SAMD4A: variants seen among roughly 807,000 people sequenced by gnomAD.
SAMD4A encodes sterile alpha motif domain containing 4A, also known as protein Smaug homolog 1.
Under a neutral mutation model 81.3 loss-of-function variants are expected in SAMD4A, and 33 were observed. The observed-to-expected ratio is 0.41, with a 90% CI of 0.31 to 0.54. SAMD4A has a LOEUF of 0.54. Among genes scored for constraint, SAMD4A ranks in the 20% least tolerant of loss-of-function variants. The probability of loss-of-function intolerance (pLI) is 0.37; values close to 1 mark genes in which losing one functional copy is unlikely to be tolerated. For synonymous variants in SAMD4A, 389 were observed against 382.1 expected, an observed-to-expected ratio of 1.02 and a Z score of -0.21; for missense variants, 854 against 951.1, an observed-to-expected ratio of 0.90 and a Z score of 1.34.
chr14:54,677,853 AT>A (rs1282042074), intron 2 of SAMD4A, among the ~76,000 whole-genome samples: 2 of 152,198 alleles, frequency 1.3e-5, no homozygotes, highest in African/African-American at 4.8e-5. Flanking sequence ...TTTCTATTGA[AT>A]TAGTCTTTTG....
chr14:54,688,159 C>A (rs928547729), intron 2 of SAMD4A: 4 of 985,338 alleles, frequency 4.1e-6, no homozygotes, highest in Admixed American at 1.2e-4. Context: ...GCTGTGCCCT[C>A]ACCCCTAAAC....
chr14:54,754,748 C>A, intron 6 of SAMD4A: 1 of 763,428 alleles, frequency 1.3e-6, no homozygotes, highest in Non-Finnish European at 1.6e-6. Flanking sequence ...ACATAGATTT[C>A]TAAGGAGATA....
intron 6 of SAMD4A, among the ~76,000 whole-genome samples, chr14:54,756,951 C>T (rs2038255691): frequency 1.3e-5 from 2 of 152,164 alleles, no homozygotes; most frequent in Non-Finnish European, 1.5e-5. Flanking sequence ...TGTAACAGCA[C>T]GTTAGTTAAT....
chr14:54,673,489 G>A (rs1014542504), intron 2 of SAMD4A, among the ~76,000 whole-genome samples: 7 of 152,202 alleles, frequency 4.6e-5, no homozygotes, highest in South Asian at 2.1e-4. Context: ...TGACGGCAGC[G>A]TCAGCATAGC....
intron 2 of SAMD4A, among the ~76,000 whole-genome samples, chr14:54,585,093 GGTAT>G (rs1164986071): frequency 6.6e-6 from 1 of 151,898 alleles, no homozygotes; most frequent in African/African-American, 2.4e-5. Context: ...ACTGTACAGT[GGTAT>G]GTATCTCTAC....
chr14:54,644,536 A>C (rs2035244141), intron 2 of SAMD4A, among the ~76,000 whole-genome samples: 1 of 152,206 alleles, frequency 6.6e-6, no homozygotes, highest in Non-Finnish European at 1.5e-5. Context: ...TAAAGAGGCT[A>C]CATGCAATTA....
intron 3 of SAMD4A, among the ~76,000 whole-genome samples, chr14:54,723,874 A>T (rs897980020): frequency 6.6e-6 from 1 of 152,188 alleles, no homozygotes. Flanking sequence ...GAAGTTAACA[A>T]TTAGCATTTT....
At chr14:54,591,134 G>A (rs112585941) in intron 2 of SAMD4A, among the ~76,000 whole-genome samples, 2 of 152,242 alleles carry the variant, frequency 1.3e-5, no homozygotes, top group African/African-American at 4.8e-5. Context: ...ATAGGGGTAC[G>A]TCGTGCGATA....
intron 3 of SAMD4A, among the ~76,000 whole-genome samples, chr14:54,723,992 G>A (rs751100364): frequency 8.0e-6 from 1 of 124,600 alleles, no homozygotes; most frequent in Non-Finnish European, 1.7e-5. Context: ...AGCAAATATT[G>A]GATGGATGGA....
At chr14:54,724,925 A>G (rs988944203) in intron 3 of SAMD4A, among the ~76,000 whole-genome samples, 3 of 152,172 alleles carry the variant, frequency 2.0e-5, no homozygotes, top group African/African-American at 7.2e-5. Flanking sequence ...GGTGTGAGAG[A>G]GAACCGCACT....
intron 2 of SAMD4A, among the ~76,000 whole-genome samples, chr14:54,618,590 T>C (rs2034544389): frequency 6.6e-6 from 1 of 152,218 alleles, no homozygotes. Flanking sequence ...TTAGAATAGA[T>C]AAATATGTCT....
At chr14:54,653,301 ATATTATTATTATTATTATTATTAT>A (rs71448404) in intron 2 of SAMD4A, among the ~76,000 whole-genome samples, 60 of 130,392 alleles carry the variant, frequency 4.6e-4, no homozygotes, top group Middle Eastern at 8.0e-3. Flanking sequence ...CTTCCTCTTA[ATATTATTATTATTATTATTATTAT>A]TATTATTATT....
chr14:54,661,193 CA>C (rs1376416278), intron 2 of SAMD4A, among the ~76,000 whole-genome samples: 1 of 152,168 alleles, frequency 6.6e-6, no homozygotes, highest in Admixed American at 6.5e-5. Flanking sequence ...AAGTGTGATT[CA>C]AATCTCATCT....
chr14:54,706,280 CAAA>C (rs112193724), intron 3 of SAMD4A, among the ~76,000 whole-genome samples: 1 of 110,434 alleles, frequency 9.1e-6, no homozygotes, highest in Non-Finnish European at 1.8e-5. Flanking sequence ...GACTTAGTCT[CAAA>C]AAAAAAAAAA....
chr14:54,736,404 A>G (rs2037691677), intron 3 of SAMD4A, among the ~76,000 whole-genome samples: 1 of 152,180 alleles, frequency 6.6e-6, no homozygotes, highest in Admixed American at 6.5e-5. Context: ...CCTTTCACCG[A>G]CAGGTAGCTG....
In SAMD4A at chr14:54,723,121, C is replaced by T. The variant is rs187220345; in HGVS notation, c.716-13903C>T. Among the ~76,000 whole-genome samples the T allele has an allele frequency of 1.3e-4, 20 of 151,536 alleles. No homozygotes were observed. The East Asian group carries it at 3.1e-3, about 23-fold the overall frequency. ...TTAAATAGAAAAAAAAAAAACCCAT[C>T]TAGGTGTTTCTCTTAGGTCTGCTGC... On this transcript the variant is annotated intron_variant, in intron 3 of 12. Coordinates refer to ENST00000554335, the MANE Select transcript of SAMD4A (RefSeq NM_015589.6).
rs869228790 is a variant in SAMD4A, at chr14:54,706,604, CA to C, written c.715+4036del. ...TGGGTGACAGAGCAAGACTCTGTCT[CA>C]AAAAAAAAAAAGAAAGAAAGAAAGA... On this transcript the variant is annotated intron_variant, in intron 3 of 12. Coordinates refer to ENST00000554335, the MANE Select transcript of SAMD4A (RefSeq NM_015589.6). Among the ~76,000 whole-genome samples the C allele has an allele frequency of 4.2e-3, 330 of 77,678 alleles. 2 individuals are homozygous for C. The highest frequency in any genetic ancestry group is 0.012 in the African/African-American group (290 of 24,740). 51.0% of individuals were successfully genotyped at this position (77,678 alleles called of 152,430 possible).
chr14:54,603,144 C>T (rs1217896567), intron 2 of SAMD4A, among the ~76,000 whole-genome samples: 6 of 152,198 alleles, frequency 3.9e-5, no homozygotes, highest in Non-Finnish European at 5.9e-5. Context: ...ACACTGGGGC[C>T]ACAAGATGCA....
At chr14:54,740,041 G>A (rs552023765) in intron 4 of SAMD4A, among the ~76,000 whole-genome samples, 10 of 152,216 alleles carry the variant, frequency 6.6e-5, no homozygotes, top group Admixed American at 4.6e-4. Flanking sequence ...GTGGTGGCAC[G>A]CAGCTGTAAT....
Sources: allele counts gnomAD v4.1 joint callset (sites outside exome capture counted in the v4.1 genomes callset), GRCh38; gene constraint gnomAD v4.1.1; transcripts MANE v1.5; gene names NCBI Gene and HGNC (gene_info 2026-07-23, HGNC 2026-07-21).